CTNNA3: variants seen among roughly 807,000 people sequenced by gnomAD.
The protein encoded by CTNNA3 is catenin alpha 3.
In CTNNA3, 76 loss-of-function variants were observed where a neutral mutation model predicts 95.7. The observed-to-expected ratio is 0.79, with a 90% CI of 0.66 to 0.96. The LOEUF (loss-of-function observed/expected upper bound fraction) is 0.96, where lower values mean the gene tolerates loss of function less well. Ranked by LOEUF, CTNNA3 falls within the 40% of genes least tolerant of loss-of-function variation. CTNNA3 has a pLI of 0.00. For synonymous variants in CTNNA3, 431 were observed against 374.4 expected (o/e 1.15, Z -1.74); for missense variants, 1,191 against 1,089.8 (o/e 1.09, Z -1.31).
intron 7 of CTNNA3, among the ~76,000 whole-genome samples, chr10:66,877,112 C>G (rs1844655226): frequency 6.6e-6 from 1 of 152,118 alleles, no homozygotes; most frequent in South Asian, 2.1e-4. Context: ...CCTCCTCTCA[C>G]TCCTACTTCA....
At chr10:66,399,683 C>G (rs958280128) in intron 11 of CTNNA3, among the ~76,000 whole-genome samples, 4 of 151,894 alleles carry the variant, frequency 2.6e-5, no homozygotes, top group Non-Finnish European at 5.9e-5. Context: ...AAAAACATTG[C>G]TGTATAAGAC....
chr10:66,100,732 C>T lies in CTNNA3; in HGVS notation c.1977+2425G>A, dbSNP rs1286869431. Among the ~76,000 whole-genome samples, 3 of 152,026 alleles carry T rather than the reference C, an allele frequency of 2.0e-5. No homozygotes were observed. The East Asian group carries it at 5.8e-4, about 29-fold the overall frequency. On this transcript the variant is annotated intron_variant, in intron 14 of 17. Coordinates refer to ENST00000433211, the MANE Select transcript of CTNNA3 (RefSeq NM_013266.4). ...GCAGCCAGTCATCTAGCTGGCCTGG[C>T]CTATACTTTGGACCAAGAACAAAAA... is the stretch of plus-strand genomic sequence containing the variant.
intron 3 of CTNNA3, among the ~76,000 whole-genome samples, chr10:67,547,548 C>G (rs1431719407): frequency 1.3e-5 from 2 of 152,154 alleles, no homozygotes; most frequent in African/African-American, 2.4e-5. Flanking sequence ...AGCTGTTAAT[C>G]AGTAAGGTCA....
chr10:67,748,730 C>T (rs757442866), intron 1 of CTNNA3, among the ~76,000 whole-genome samples: 5 of 152,186 alleles, frequency 3.3e-5, no homozygotes, highest in Non-Finnish European at 7.3e-5. Context: ...ATCATTATTA[C>T]ACGATCAAAT....
At chr10:66,169,106 A>T in intron 13 of CTNNA3, among the ~76,000 whole-genome samples, 1 of 151,954 alleles carries the variant, frequency 6.6e-6, no homozygotes, top group East Asian at 1.9e-4. Flanking sequence ...GTGATTTGTG[A>T]GATTTTGGTG....
chr10:65,963,629 A>G lies in CTNNA3; in HGVS notation c.2400+2983T>C, dbSNP rs548138609. On this transcript the variant is annotated intron_variant, in intron 17 of 17. Transcript: ENST00000433211. ...TACATTTTATGTTTCTTAATTTTTTATGCATTTCAATATCTTAAGGAAATT... is the reference window on the plus strand; with the variant it reads ...TACATTTTATGTTTCTTAATTTTTTGTGCATTTCAATATCTTAAGGAAATT... Among the ~76,000 whole-genome samples, 220 of 152,234 alleles carry G rather than the reference A, an allele frequency of 1.4e-3. 1 individual carries two copies. The highest frequency in any genetic ancestry group is 3.4e-3 in the Middle Eastern group (1 of 294).
At chr10:66,256,006 A>T (rs2090756238) in intron 13 of CTNNA3, among the ~76,000 whole-genome samples, 4 of 152,210 alleles carry the variant, frequency 2.6e-5, no homozygotes, top group African/African-American at 9.7e-5. Context: ...TCCTAATGAT[A>T]ATATAGCCAG....
intron 5 of CTNNA3, among the ~76,000 whole-genome samples, chr10:67,223,099 T>A (rs994370262): frequency 6.6e-6 from 1 of 152,148 alleles, no homozygotes; most frequent in Non-Finnish European, 1.5e-5. Flanking sequence ...ACTAGATCAG[T>A]GAACATAACA....
Position 65,975,869 on chromosome 10 carries a change from T to A in CTNNA3, c.2266-9123A>T, listed in dbSNP as rs190850454. Among the ~76,000 whole-genome samples the A allele has an allele frequency of 6.2e-3, 947 of 152,278 alleles. 7 individuals carry two copies. The highest frequency in any genetic ancestry group is 0.021 in the African/African-American group (886 of 41,570). ...CATTTTTTGTTATTATTGCTTTCAC[T>A]GAGTAACTTTCTTATCTATTCTTCA... is the stretch of plus-strand genomic sequence containing the variant. On this transcript the variant is annotated intron_variant, in intron 16 of 17. Coordinates refer to ENST00000433211, the MANE Select transcript of CTNNA3 (RefSeq NM_013266.4).
At chr10:66,112,814 A>G (rs2082169280) in intron 13 of CTNNA3, among the ~76,000 whole-genome samples, 1 of 151,826 alleles carries the variant, frequency 6.6e-6, no homozygotes, top group Non-Finnish European at 1.5e-5. Context: ...CTTTTTTTTT[A>G]AGGTTGAATT....
At chr10:66,654,389 A>G (rs1846006629) in intron 9 of CTNNA3, among the ~76,000 whole-genome samples, 1 of 152,132 alleles carries the variant, frequency 6.6e-6, no homozygotes, top group Non-Finnish European at 1.5e-5. Flanking sequence ...AATGTAAATT[A>G]AAACTGCAAT....
chr10:66,536,259 ATC>A (rs2132063708), intron 10 of CTNNA3, among the ~76,000 whole-genome samples: 1 of 152,126 alleles, frequency 6.6e-6, no homozygotes, highest in South Asian at 2.1e-4. Flanking sequence ...AGGTGGGCAG[ATC>A]ACCTCAGGTC....
chr10:66,368,458 A>G (rs1340100623), intron 12 of CTNNA3, among the ~76,000 whole-genome samples: 1 of 151,932 alleles, frequency 6.6e-6, no homozygotes, highest in Non-Finnish European at 1.5e-5. Context: ...TTTGCCATTA[A>G]GAGTTTATTC....
chr10:66,173,435 T>C (rs572657678), intron 13 of CTNNA3, among the ~76,000 whole-genome samples: 2 of 152,146 alleles, frequency 1.3e-5, no homozygotes, highest in Admixed American at 6.6e-5. Context: ...TATTGAGTTT[T>C]TCAGTTTGGG....
In CTNNA3 at chr10:65,926,404, T is replaced by C. The variant is rs144464230; in HGVS notation, c.2401-5787A>G. 3.5e-3 allele frequency among the ~76,000 whole-genome samples: 531 copies of C among 152,232 alleles called. 5 individuals carry two copies. The highest frequency in any genetic ancestry group is 0.012 in the African/African-American group (486 of 41,534). Reference sequence around the variant, plus strand: ...ATGAAAATGCATATATTCAGTTTTATTGGATAATTCCAGGGATTTCCAAAG... The same window carrying C: ...ATGAAAATGCATATATTCAGTTTTACTGGATAATTCCAGGGATTTCCAAAG... On this transcript the variant is annotated intron_variant, in intron 17 of 17. Transcript: ENST00000433211.
chr10:65,951,522 T>A (rs2077612165), intron 17 of CTNNA3, among the ~76,000 whole-genome samples: 2 of 152,148 alleles, frequency 1.3e-5, no homozygotes, highest in Admixed American at 1.3e-4. Flanking sequence ...ATTAATACTG[T>A]GCTCTAGTCT....
intron 5 of CTNNA3, among the ~76,000 whole-genome samples, chr10:67,303,114 C>A (rs1291929006): frequency 6.6e-6 from 1 of 152,114 alleles, no homozygotes; most frequent in Admixed American, 6.5e-5. Flanking sequence ...TGTTTGAGAA[C>A]CACTGACATA....
chr10:67,298,963 C>G (rs1471711873), intron 5 of CTNNA3, among the ~76,000 whole-genome samples: 1 of 151,858 alleles, frequency 6.6e-6, no homozygotes, highest in Non-Finnish European at 1.5e-5. Flanking sequence ...GCTCTGTTGC[C>G]AGGCTGGAGT....
chr10:66,682,481 A>G (rs1428962809), intron 9 of CTNNA3, among the ~76,000 whole-genome samples: 1 of 152,124 alleles, frequency 6.6e-6, no homozygotes, highest in Admixed American at 6.5e-5. Context: ...GAGAAAAAAG[A>G]CAGACATAGA....
Sources: gnomAD v4.1 joint callset for allele counts (sites outside exome capture counted in the v4.1 genomes callset) on GRCh38, gnomAD v4.1.1 for gene constraint, MANE v1.5 for transcripts, NCBI Gene and HGNC (gene_info 2026-07-23, HGNC 2026-07-21) for gene names.